RALGPS1: variants seen among roughly 807,000 people sequenced by gnomAD.
RALGPS1 encodes the protein ras-specific guanine nucleotide-releasing factor RalGPS1.
In RALGPS1, 19 loss-of-function variants were observed where a neutral mutation model predicts 78.8. That is an observed-to-expected ratio of 0.24 (90% CI 0.17 to 0.35). The LOEUF is 0.35. Ranked by LOEUF, RALGPS1 falls within the 10% of genes least tolerant of loss-of-function variation. The pLI, the probability that RALGPS1 is intolerant of heterozygous loss-of-function variation, is 1.00. For synonymous variants in RALGPS1, 228 were observed against 256.3 expected (o/e 0.89, Z 1.06); for missense variants, 454 against 688.3 (o/e 0.66, Z 3.81).
chr9:127,078,770 G>A (rs1337731887), intron 8 of RALGPS1, among the ~76,000 whole-genome samples: 2 of 152,296 alleles, frequency 1.3e-5, no homozygotes, highest in East Asian at 1.9e-4. Context: ...TGTTTTCATG[G>A]TAGGAATCTT....
intron 1 of RALGPS1, among the ~76,000 whole-genome samples, chr9:126,925,333 G>A (rs1264921640): frequency 6.6e-6 from 1 of 151,560 alleles, no homozygotes; most frequent in Non-Finnish European, 1.5e-5. Flanking sequence ...GATCACTCAA[G>A]GTCAGGAGTT....
chr9:127,152,127 T>C (rs2058456312), intron 8 of RALGPS1, among the ~76,000 whole-genome samples: 1 of 152,242 alleles, frequency 6.6e-6, no homozygotes, highest in South Asian at 2.1e-4. Flanking sequence ...TTCTCTCTTA[T>C]CACAGAAACC....
At chr9:127,192,190 C>T (rs1477163344) in intron 11 of RALGPS1, among the ~76,000 whole-genome samples, 2 of 152,194 alleles carry the variant, frequency 1.3e-5, no homozygotes, top group African/African-American at 2.4e-5. Context: ...GGGCCCAGAC[C>T]AGTCAGTGAC....
At chr9:127,189,065 C>G (rs2060875383) in intron 11 of RALGPS1, among the ~76,000 whole-genome samples, 1 of 149,868 alleles carries the variant, frequency 6.7e-6, no homozygotes, top group Admixed American at 6.6e-5. Flanking sequence ...GGCTGAACAG[C>G]CAGGCCAGGG....
chr9:127,117,510 G>A (rs2055562671), intron 8 of RALGPS1, among the ~76,000 whole-genome samples: 1 of 152,216 alleles, frequency 6.6e-6, no homozygotes, highest in African/African-American at 2.4e-5. Context: ...GGGGTCCACG[G>A]TAGTAGGTGA....
At chr9:127,144,956 G>A (rs1218922877) in intron 8 of RALGPS1, among the ~76,000 whole-genome samples, 1 of 152,142 alleles carries the variant, frequency 6.6e-6, no homozygotes, top group Non-Finnish European at 1.5e-5. Flanking sequence ...TATAATAAAT[G>A]TCACTAATGG....
intron 8 of RALGPS1, among the ~76,000 whole-genome samples, chr9:127,143,501 T>C (rs1184738997): frequency 1.3e-5 from 2 of 152,354 alleles, no homozygotes; most frequent in East Asian, 1.9e-4. Context: ...TGTGGTTTGA[T>C]TGACATCTGC....
At chr9:126,962,369 G>T (rs750456313) in intron 2 of RALGPS1, 23 bp downstream of exon 2, 8 of 1,613,240 alleles carry the variant, frequency 5.0e-6, no homozygotes, top group Non-Finnish European at 6.8e-6. Flanking sequence ...CAAGAATCGG[G>T]ACAGTGGGTA....
chr9:127,143,828 C>T (rs1281886244), intron 8 of RALGPS1, among the ~76,000 whole-genome samples: 2 of 152,144 alleles, frequency 1.3e-5, no homozygotes, highest in Admixed American at 6.5e-5. Flanking sequence ...CTAGGTGCTC[C>T]GTAATTACCA....
At chr9:127,042,765 A>G (rs1029456683) in intron 5 of RALGPS1, among the ~76,000 whole-genome samples, 1 of 152,360 alleles carries the variant, frequency 6.6e-6, no homozygotes, top group Non-Finnish European at 1.5e-5. Context: ...TTATCTAGAT[A>G]GAAAATTCCA....
chr9:127,113,713 C>T (rs2137338659), intron 8 of RALGPS1, among the ~76,000 whole-genome samples: 1 of 152,360 alleles, frequency 6.6e-6, no homozygotes, highest in South Asian at 2.1e-4. Context: ...GGTTTTCCCT[C>T]CCCACAAGTG....
chr9:127,009,270 C>T (rs2044137670), intron 4 of RALGPS1, among the ~76,000 whole-genome samples: 1 of 152,176 alleles, frequency 6.6e-6, no homozygotes, highest in Admixed American at 6.5e-5. Context: ...CAGCCTCTTC[C>T]AGCTTTCCCC....
At chr9:127,203,107 A>G (rs1335091380) in intron 14 of RALGPS1, among the ~76,000 whole-genome samples, 1 of 152,242 alleles carries the variant, frequency 6.6e-6, no homozygotes, top group African/African-American at 2.4e-5. Flanking sequence ...CAAGAATATC[A>G]GCCTACGAGT....
chr9:127,042,172 A>G (rs1011735818), intron 5 of RALGPS1, among the ~76,000 whole-genome samples: 5 of 152,116 alleles, frequency 3.3e-5, no homozygotes, highest in African/African-American at 1.2e-4. Context: ...AGTTGTGTCC[A>G]TAACTATTCT....
intron 8 of RALGPS1, among the ~76,000 whole-genome samples, chr9:127,159,648 C>A (rs1407009388): frequency 1.3e-5 from 2 of 152,216 alleles, no homozygotes; most frequent in African/African-American, 4.8e-5. Flanking sequence ...TTAATACTCA[C>A]AGTCTTCCCC....
chr9:126,953,868 A>G, intron 1 of RALGPS1, among the ~76,000 whole-genome samples: 1 of 152,164 alleles, frequency 6.6e-6, no homozygotes, highest in East Asian at 1.9e-4. Flanking sequence ...AGTCCTGCCT[A>G]TCTTATTTGC....
chr9:127,207,714 C>T (rs2062010936), intron 14 of RALGPS1, among the ~76,000 whole-genome samples: 1 of 152,184 alleles, frequency 6.6e-6, no homozygotes, highest in Non-Finnish European at 1.5e-5. Flanking sequence ...AGTTGCCCTG[C>T]CCAGCACGGT....
At chr9:126,937,295 A>G (rs1191087731) in intron 1 of RALGPS1, among the ~76,000 whole-genome samples, 4 of 152,182 alleles carry the variant, frequency 2.6e-5, no homozygotes, top group Non-Finnish European at 5.9e-5. Flanking sequence ...AAAATTCTAA[A>G]CCATTTCTCC....
intron 5 of RALGPS1, among the ~76,000 whole-genome samples, chr9:127,047,537 A>G (rs2047912006): frequency 6.6e-6 from 1 of 152,022 alleles, no homozygotes; most frequent in East Asian, 1.9e-4. Context: ...CATCTCTACT[A>G]AAAATACAAA....
Sources: gnomAD v4.1 joint callset for allele counts (sites outside exome capture counted in the v4.1 genomes callset) on GRCh38, gnomAD v4.1.1 for gene constraint, MANE v1.5 for transcripts, NCBI Gene and HGNC (gene_info 2026-07-23, HGNC 2026-07-21) for gene names.